The following NLRC3 variants were observed in gnomAD, a reference collection of about 807,000 sequenced individuals.
NLRC3 encodes NLR family CARD domain containing 3.
Under a neutral mutation model 91.6 loss-of-function variants are expected in NLRC3, and 87 were observed. The ratio of observed to expected loss-of-function variants is 0.95; its 90% CI spans 0.80 to 1.14. NLRC3 has a LOEUF of 1.14. Among genes scored for constraint, NLRC3 ranks in the 50% most tolerant of loss-of-function variants. The probability of loss-of-function intolerance (pLI) is 0.00; values close to 1 mark genes in which losing one functional copy is unlikely to be tolerated. For missense variants in NLRC3, 1,577 were observed against 1,418.6 expected, an observed-to-expected ratio of 1.11 and a Z score of -1.79; for synonymous variants, 694 against 625.3, an observed-to-expected ratio of 1.11 and a Z score of -1.64.
At chr16:3,555,082 T>A (rs189219202) in intron 8 of NLRC3, among the ~76,000 whole-genome samples, 178 of 151,912 alleles carry the variant, frequency 1.2e-3, no homozygotes, top group Middle Eastern at 6.8e-3. Flanking sequence ...ATACAAAAAT[T>A]AGCTGGGTGT....
At position 3,563,933 on chromosome 16, in the gene NLRC3, G is replaced by C. The variant is rs774496536; in HGVS notation, c.1004C>G (p.Thr335Arg). The C allele has an allele frequency of 6.3e-7, 1 of 1,593,302 alleles. No homozygotes were observed. The highest frequency in any genetic ancestry group is 1.7e-5 in the Admixed American group (1 of 58,296). ...CCACAGGTGGCCTAGCGCCATCCCC[G>C]TGAGCCTGCAGAAGGCTGGGACGGT... The part of the protein sequence containing the change: ...MCTVPAFCRL[T>R]GMALGHLWRS... The change falls in exon 5 of 20, where the codon ACG becomes AGG. Residue 335 changes from threonine to arginine, a missense_variant. Thr to Arg is a moderately conservative substitution (Grantham distance 71). Coordinates refer to ENST00000359128, the MANE Select transcript of NLRC3 (RefSeq NM_178844.4).
intron 1 of NLRC3, among the ~76,000 whole-genome samples, chr16:3,576,794 C>G (rs952234996): frequency 6.6e-6 from 1 of 152,172 alleles, no homozygotes; most frequent in African/African-American, 2.4e-5. Context: ...TCCCGACTAG[C>G]TGGGTGGGAT....
At chr16:3,570,519 C>A (rs1328960335) in intron 1 of NLRC3, among the ~76,000 whole-genome samples, 1 of 152,050 alleles carries the variant, frequency 6.6e-6, no homozygotes, top group East Asian at 1.9e-4. Context: ...GCAGTTTCTG[C>A]TGGTGGTTAG....
intron 1 of NLRC3, among the ~76,000 whole-genome samples, chr16:3,574,192 T>C (rs1215704627): frequency 6.6e-6 from 1 of 151,742 alleles, no homozygotes; most frequent in African/African-American, 2.4e-5. Flanking sequence ...CCATTTGTAT[T>C]TTTGTAGAGA....
intron 17 of NLRC3, 101 bp from the exon 18 acceptor site, chr16:3,542,876 G>C (rs1263708330): frequency 1.4e-6 from 1 of 729,162 alleles, no homozygotes; most frequent in Non-Finnish European, 2.4e-6. Context: ...AGGAAACAAG[G>C]ACTTCAGCAG....
chr16:3,562,641 A>C (rs75700995), intron 5 of NLRC3, among the ~76,000 whole-genome samples: 4 of 151,232 alleles, frequency 2.6e-5, no homozygotes, highest in Non-Finnish European at 4.4e-5. Flanking sequence ...ACTCCATCTC[A>C]AAAAAAAAGA....
chr16:3,551,563 C>T (rs537759298), intron 10 of NLRC3, among the ~76,000 whole-genome samples: 24 of 149,638 alleles, frequency 1.6e-4, no homozygotes, highest in African/African-American at 5.9e-4. Flanking sequence ...ACCCATCCAC[C>T]AATCCACCCA....
At position 3,552,211 on chromosome 16, in the gene NLRC3, C is replaced by G. The variant is rs781705354; in HGVS notation, c.2336G>C (p.Ser779Thr). ...RMADALKQNR[S>T]LKELMFSSNS... ...TATGTCTCACATGAGCTCTTTCAGA[C>G]TCCTGTTCTGCTTCAAGGCATCTGC... The change falls in exon 10 of 20, where the codon AGT becomes ACT. Residue 779 changes from serine (S) to threonine (T), a missense_variant. Ser to Thr is a moderately conservative substitution (Grantham distance 58). Coordinates refer to ENST00000359128, the MANE Select transcript of NLRC3 (RefSeq NM_178844.4). 6.2e-7 allele frequency: 1 copy of G among 1,609,124 alleles called. No individual in the cohort carries two copies. The highest frequency in any genetic ancestry group is 1.7e-5 in the Admixed American group (1 of 60,026).
chr16:3,550,917 T>C (rs938674988), intron 10 of NLRC3, among the ~76,000 whole-genome samples: 7 of 152,082 alleles, frequency 4.6e-5, no homozygotes, highest in African/African-American at 7.2e-5. Flanking sequence ...TAACCAGCAC[T>C]CACACTTCCA....
chr16:3,548,201 A>G lies in NLRC3; in HGVS notation c.2705T>C (p.Ile902Thr). 1.9e-6 allele frequency: 3 copies of G among 1,593,870 alleles called. No homozygotes were observed. The highest frequency in any genetic ancestry group is 2.6e-6 in the Non-Finnish European group (3 of 1,170,282). ...LTSLHLQWNF[I>T]QAGAAQALGQ... ...CAGGGCCTGGGCAGCGCCGGCCTGG[A>G]TGAAGTTCCACTGCAGGCTGGGCAG... Residue 902 changes from isoleucine (I) to threonine (T), a missense_variant, in exon 15 of 20, where the codon ATC becomes ACC. Ile to Thr is a moderately conservative substitution (Grantham distance 89). Transcript: ENST00000359128.
rs573494863 is a variant in NLRC3, at chr16:3,558,082, A to G, written c.2016-406T>C. 5.9e-5 allele frequency among the ~76,000 whole-genome samples: 9 copies of G among 152,312 alleles called. No homozygotes were observed. In the East Asian group the frequency reaches 1.7e-3, roughly 29 times the overall value. ...GGGCTGTGCGTGGTGGCTCATGCCT[A>G]TACAATCCCAGCACTTTGGGAGGCC... On this transcript the variant is annotated intron_variant, in intron 6 of 19. Transcript: ENST00000359128.
rs1044236194 is a variant in NLRC3 at position 3,567,544 on chromosome 16, C to T, written c.-168-220G>A. ...ATCCCAGCATTTTGGGAGGCTGAGG[C>T]AGGCGGATCACCTGAGGTTAGGAGT... On this transcript the variant is annotated intron_variant, in intron 1 of 19. Coordinates refer to ENST00000359128, the MANE Select transcript of NLRC3 (RefSeq NM_178844.4). Among the ~76,000 whole-genome samples the T allele has an allele frequency of 8.6e-5, 13 of 151,984 alleles. No individual in the cohort carries two copies. In the East Asian group the frequency reaches 2.3e-3, roughly 27 times the overall value.
Position 3,540,369 on chromosome 16 carries a change from T to G in NLRC3, c.*1456A>C, listed in dbSNP as rs1478369722. On this transcript the variant is annotated 3_prime_UTR_variant, in exon 20 of 20. Transcript: ENST00000359128. ...ATAAATATTTTCTGTGGTTATTTAG[T>G]TGATGAAAGCTGTTGATGTCCATTT... The G allele has an allele frequency of 3.9e-5, 6 of 152,230 alleles. No homozygotes were observed. The highest frequency in any genetic ancestry group is 1.2e-4 in the African/African-American group (5 of 41,456). 9.4% of individuals were successfully genotyped at this position (152,230 alleles called of 1,614,324 possible). A position where few individuals can be genotyped will look rare whatever the true frequency, so the allele number is the denominator to read the frequency against.
chr16:3,573,413 C>G (rs1346069221), intron 1 of NLRC3, among the ~76,000 whole-genome samples: 1 of 152,180 alleles, frequency 6.6e-6, no homozygotes, highest in Non-Finnish European at 1.5e-5. Flanking sequence ...AGTGATAGAG[C>G]AAGACCCTGT....
intron 11 of NLRC3, 66 bp from the exon 12 acceptor site, chr16:3,549,846 G>C: frequency 8.5e-7 from 1 of 1,173,798 alleles, no homozygotes; most frequent in Non-Finnish European, 1.2e-6. Context: ...CCCTGTCCCA[G>C]TCTGGGACAG....
intron 7 of NLRC3, 69 bp from the exon 8 acceptor site, chr16:3,557,063 C>T (rs1472864410): frequency 1.0e-5 from 11 of 1,098,688 alleles, no homozygotes; most frequent in Non-Finnish European, 1.5e-5. Context: ...ACAGAAACTG[C>T]ATTGACCTTG....
At chr16:3,562,799 G>A (rs1320492020) in intron 5 of NLRC3, 2 of 671,050 alleles carry the variant, frequency 3.0e-6, no homozygotes, top group Non-Finnish European at 5.4e-6. Context: ...GTTTCAGAGA[G>A]CGCATGGCCC....
At chr16:3,559,198 A>C (rs915752592) in intron 6 of NLRC3, among the ~76,000 whole-genome samples, 1 of 152,172 alleles carries the variant, frequency 6.6e-6, no homozygotes. Flanking sequence ...ATGTTCTCAA[A>C]TTCTAGAGTG....
chr16:3,563,019 G>T lies in NLRC3; in HGVS notation c.1918C>A (p.Arg640=). 6.4e-7 allele frequency: 1 copy of T among 1,553,262 alleles called. No individual in the cohort carries two copies. The highest frequency in any genetic ancestry group is 1.2e-5 in the South Asian group (1 of 84,244). The stretch of plus-strand genomic sequence containing the variant: ...TGCCCTGGTATCCACCTGAGCTTCC[G>T]GCAGTAGAGCAGCTGGGGCAGCAGG... The part of the protein sequence containing the change: ...QSLLPQLLYC[R]KLRLDTNQFQ... The change falls in exon 5 of 20, where the codon CGG becomes AGG. Residue 640 remains arginine, a synonymous_variant. Transcript: ENST00000359128.
Sources: gnomAD v4.1 joint callset for allele counts (sites outside exome capture counted in the v4.1 genomes callset) on GRCh38, gnomAD v4.1.1 for gene constraint, MANE v1.5 for transcripts, NCBI Gene and HGNC (gene_info 2026-07-23, HGNC 2026-07-21) for gene names.